Variants in SCN10A observed in about 807,000 individuals in gnomAD.
The protein encoded by SCN10A is sodium channel protein type 10 subunit alpha.
In SCN10A, 162 loss-of-function variants were observed where a neutral mutation model predicts 170.7. The observed-to-expected ratio is 0.95, with a 90% CI of 0.84 to 1.08. SCN10A has a LOEUF of 1.08. Ranked by LOEUF, SCN10A falls within the 50% of genes least tolerant of loss-of-function variation. The pLI is 0.00. For missense variants in SCN10A, 2,527 were observed against 2,436.9 expected (o/e 1.04, Z -0.78); for synonymous variants, 985 against 904.6 (o/e 1.09, Z -1.59).
intron 16 of SCN10A, among the ~76,000 whole-genome samples, chr3:38,727,978 C>G (rs1294724091): frequency 1.3e-5 from 2 of 152,124 alleles, no homozygotes; most frequent in Admixed American, 1.3e-4. Context: ...CATTGTGCCC[C>G]CTCCCTGCAG....
In SCN10A at chr3:38,745,564, CA is replaced by C. The variant is rs1278725976; in HGVS notation, c.1868-3036del. 2.6e-5 allele frequency among the ~76,000 whole-genome samples: 4 copies of C among 152,242 alleles called. No individual in the cohort carries two copies. The East Asian group carries it at 5.8e-4, about 22-fold the overall frequency. ...TGCCATCTTACTATCTCCTTTTCCT[CA>C]CAGGCAAACTTCTTGAAAAAATTGT... On this transcript the variant is annotated intron_variant, in intron 13 of 27. Coordinates refer to ENST00000449082, the MANE Select transcript of SCN10A (RefSeq NM_006514.4).
chr3:38,762,439 G>A (rs2063884871), intron 6 of SCN10A, among the ~76,000 whole-genome samples: 1 of 152,124 alleles, frequency 6.6e-6, no homozygotes, highest in Non-Finnish European at 1.5e-5. Context: ...GAGCCCTGAG[G>A]AATGAGTGTG....
At chr3:38,714,285 T>C (rs765130065) in intron 21 of SCN10A, among the ~76,000 whole-genome samples, 1 of 152,178 alleles carries the variant, frequency 6.6e-6, no homozygotes, top group African/African-American at 2.4e-5. Flanking sequence ...CACCACTCTC[T>C]TAAACAATCT....
chr3:38,752,177 T>A, intron 12 of SCN10A, 42 bp downstream of exon 12: 2 of 1,456,732 alleles, frequency 1.4e-6, no homozygotes, highest in Non-Finnish European at 1.8e-6. Context: ...GGCTTCTAGG[T>A]GGAAGACAGC....
intron 20 of SCN10A, among the ~76,000 whole-genome samples, chr3:38,720,176 T>G (rs1330011545): frequency 6.6e-6 from 1 of 152,224 alleles, no homozygotes; most frequent in East Asian, 1.9e-4. Context: ...AGGACTAAGA[T>G]GGGAGATTAT....
chr3:38,779,838 T>A (rs887672928), intron 4 of SCN10A, among the ~76,000 whole-genome samples: 4 of 149,040 alleles, frequency 2.7e-5, no homozygotes, highest in Admixed American at 2.7e-4. Context: ...AATTTGGTTA[T>A]TTTTTTTAAC....
rs139861061 is a variant in SCN10A, at chr3:38,728,741, C to G, written c.2441G>C (p.Arg814Pro). The G allele has an allele frequency of 6.2e-7, 1 of 1,614,142 alleles. No homozygotes were observed. Residue 814 changes from arginine (R) to proline (P), a missense_variant, in exon 16 of 28, where the codon CGT (arginine) becomes CCT (proline). Transcript: ENST00000449082. Reference sequence around the variant, plus strand: ...CGCGGAGATATTTTTTCGGTTGTTACGGTAGTTTTCCCCTAGGAGCTGCTT... The same window carrying G: ...CGCGGAGATATTTTTTCGGTTGTTAGGGTAGTTTTCCCCTAGGAGCTGCTT... ...VGKQLLGENY[R>P]NNRKNISAPH... is the part of the protein sequence containing the mutation.
At chr3:38,790,610 A>G (rs1222141655) in intron 3 of SCN10A, among the ~76,000 whole-genome samples, 2 of 151,744 alleles carry the variant, frequency 1.3e-5, no homozygotes, top group African/African-American at 4.8e-5. Context: ...AGCAACAACT[A>G]CCCAAGCAGA....
At chr3:38,732,428 G>A (rs759921753) in intron 15 of SCN10A, among the ~76,000 whole-genome samples, 4 of 152,186 alleles carry the variant, frequency 2.6e-5, no homozygotes, top group Non-Finnish European at 4.4e-5. Flanking sequence ...ACACTCCCAG[G>A]AGAGCTTCCC....
At chr3:38,712,528 G>C in intron 22 of SCN10A, 83 bp from the exon 23 acceptor site, 1 of 1,436,410 alleles carries the variant, frequency 7.0e-7, no homozygotes, top group Non-Finnish European at 9.5e-7. Flanking sequence ...TACTCATTCA[G>C]GCTGCTTCAT....
intron 1 of SCN10A, among the ~76,000 whole-genome samples, chr3:38,808,326 A>G (rs73826371): frequency 0.11 from 16,104 of 152,120 alleles, 925 homozygotes; most frequent in South Asian, 0.19. Flanking sequence ...GTTAAGTGTC[A>G]GTTTTTCAGA....
At chr3:38,753,587 C>T (rs1329737264) in intron 11 of SCN10A, among the ~76,000 whole-genome samples, 1 of 152,154 alleles carries the variant, frequency 6.6e-6, no homozygotes, top group Admixed American at 6.5e-5. Context: ...ATAGAGTACT[C>T]TCTGCCTGTA....
At chr3:38,788,628 G>T (rs1403688913) in intron 4 of SCN10A, among the ~76,000 whole-genome samples, 27 of 151,410 alleles carry the variant, frequency 1.8e-4, no homozygotes, top group African/African-American at 6.6e-4. Flanking sequence ...GTTGGGGGGG[G>T]GTGGGGGCGA....
At chr3:38,756,523 T>G in intron 10 of SCN10A, 151 bp downstream of exon 10, 2 of 698,900 alleles carry the variant, frequency 2.9e-6, no homozygotes, top group Non-Finnish European at 4.9e-6. Context: ...GCTTCTTCTT[T>G]GAGAAAACCT....
In SCN10A at chr3:38,750,115, T is replaced by A. The variant is rs769962695; in HGVS notation, c.1825A>T (p.Arg609Trp). 6 of 1,612,894 alleles carry A rather than the reference T, an allele frequency of 3.7e-6. No homozygotes were observed. The East Asian group carries it at 1.3e-4, about 36-fold the overall frequency. ...ATGATACTGACAACACTCATTGCCC[T>A]TTGGGCCCGGAAAGGTTCATCTAAG... is the stretch of plus-strand genomic sequence containing the variant. ...EYLDEPFRAQRAMSVVSIITS... is the reference protein window; with the variant it reads ...EYLDEPFRAQWAMSVVSIITS... Residue 609 changes from arginine (R) to tryptophan (W), a missense_variant, in exon 13 of 28, where the codon AGG becomes TGG. Transcript: ENST00000449082.
At chr3:38,740,357 C>T (rs1398967396) in intron 14 of SCN10A, among the ~76,000 whole-genome samples, 2 of 152,158 alleles carry the variant, frequency 1.3e-5, no homozygotes, top group Non-Finnish European at 2.9e-5. Context: ...GGAAGGGAGA[C>T]AGAGAAGGAG....
At chr3:38,803,354 T>C (rs1334794951) in intron 1 of SCN10A, among the ~76,000 whole-genome samples, 9 of 152,128 alleles carry the variant, frequency 5.9e-5, no homozygotes, top group Admixed American at 6.5e-5. Context: ...TGCACACATA[T>C]GTTTATTGCA....
Position 38,696,952 on chromosome 3 carries a change from G to C in SCN10A, c.*397C>G, listed in dbSNP as rs970241631. 4.6e-6 allele frequency: 1 copy of C among 218,176 alleles called. No homozygotes were observed. Among genetic ancestry groups the C allele is most frequent in the East Asian group, 9.9e-5 (1 of 10,118 alleles). The allele number at this position is 218,176 out of a possible 1,614,324, so 13.5% of individuals were successfully genotyped here. A position where few individuals can be genotyped will look rare whatever the true frequency, so the allele number is the denominator to read the frequency against. On this transcript the variant is annotated 3_prime_UTR_variant, in exon 28 of 28. Transcript: ENST00000449082. ...TAAATAATATTGCCAATCTCTGTAT[G>C]GTGCTCCACAGAGGACTACCTTGGA...
chr3:38,716,599 C>T (rs6798087), intron 21 of SCN10A, among the ~76,000 whole-genome samples: 10,773 of 151,920 alleles, frequency 0.071, 1,079 homozygotes, highest in African/African-American at 0.22. Flanking sequence ...TGAAAATAGA[C>T]TAATACAAAT....
Sources: gnomAD v4.1 joint callset for allele counts (sites outside exome capture counted in the v4.1 genomes callset) on GRCh38, gnomAD v4.1.1 for gene constraint, MANE v1.5 for transcripts, NCBI Gene and HGNC (gene_info 2026-07-23, HGNC 2026-07-21) for gene names.